Variants in ASIC2 observed in about 807,000 individuals in gnomAD.
ASIC2 encodes the protein acid-sensing ion channel 2.
A neutral mutation model predicts 57.3 loss-of-function variants in ASIC2; 25 were observed. The ratio of observed to expected loss-of-function variants is 0.44; its 90% CI spans 0.32 to 0.61. The LOEUF (loss-of-function observed/expected upper bound fraction) is 0.61. Ranked by LOEUF, ASIC2 falls within the 20% of genes least tolerant of loss-of-function variation. The pLI, the probability that ASIC2 is intolerant of heterozygous loss-of-function variation, is 0.06. For synonymous variants in ASIC2, 319 were observed against 307.5 expected (o/e 1.04, Z -0.39); for missense variants, 641 against 738.1 (o/e 0.87, Z 1.52).
intron 1 of ASIC2, among the ~76,000 whole-genome samples, chr17:33,947,236 T>C (rs1904407235): frequency 6.6e-6 from 1 of 152,212 alleles, no homozygotes; most frequent in Non-Finnish European, 1.5e-5. Context: ...CACTCCAGAC[T>C]GTGTCTCCCC....
chr17:33,971,020 T>C (rs1905214465), intron 1 of ASIC2, among the ~76,000 whole-genome samples: 1 of 152,196 alleles, frequency 6.6e-6, no homozygotes, highest in South Asian at 2.1e-4. Context: ...GTAACAGGGT[T>C]GCATTTCTCC....
chr17:33,147,229 C>CA (rs34665868), intron 1 of ASIC2, among the ~76,000 whole-genome samples: 1 of 151,764 alleles, frequency 6.6e-6, no homozygotes, highest in East Asian at 1.9e-4. Context: ...GTAAAAACTG[C>CA]AAAAAAAGCA....
intron 1 of ASIC2, among the ~76,000 whole-genome samples, chr17:34,043,415 G>A (rs1908214368): frequency 6.6e-6 from 1 of 152,200 alleles, no homozygotes; most frequent in African/African-American, 2.4e-5. Flanking sequence ...ATTATTAGGA[G>A]GAAGAGCAAA....
At chr17:33,779,985 T>TTTTTTTTTTTTTTTC (rs1911399644) in intron 1 of ASIC2, among the ~76,000 whole-genome samples, 1 of 147,662 alleles carries the variant, frequency 6.8e-6, no homozygotes, top group Admixed American at 6.7e-5. Flanking sequence ...TTTTTTTTTT[T>TTTTTTTTTTTTTTTC]TTTGAGACAG....
intron 1 of ASIC2, among the ~76,000 whole-genome samples, chr17:33,967,478 A>C (rs2141995928): frequency 6.6e-6 from 1 of 151,434 alleles, no homozygotes; most frequent in South Asian, 2.1e-4. Flanking sequence ...CAAGCAATCC[A>C]CCCCCCTCAG....
chr17:33,225,394 T>C (rs1907839242), intron 1 of ASIC2, among the ~76,000 whole-genome samples: 1 of 152,222 alleles, frequency 6.6e-6, no homozygotes, highest in African/African-American at 2.4e-5. Context: ...ATGATAACAG[T>C]AACTTCCTCA....
chr17:34,112,595 T>C (rs1404601129), intron 1 of ASIC2, among the ~76,000 whole-genome samples: 2 of 152,128 alleles, frequency 1.3e-5, no homozygotes, highest in Admixed American at 1.3e-4. Context: ...ACAGATCAAA[T>C]GCTTCACCAA....
At chr17:33,973,532 A>T (rs941248301) in intron 1 of ASIC2, among the ~76,000 whole-genome samples, 3 of 152,162 alleles carry the variant, frequency 2.0e-5, no homozygotes, top group Non-Finnish European at 4.4e-5. Flanking sequence ...CAGAGTGAAG[A>T]TTGGGTAGGC....
intron 1 of ASIC2, among the ~76,000 whole-genome samples, chr17:33,120,732 C>A (rs528747796): frequency 3.3e-5 from 5 of 152,274 alleles, no homozygotes; most frequent in African/African-American, 1.2e-4. Flanking sequence ...TCAAATGGGA[C>A]ACAATGACAG....
intron 1 of ASIC2, among the ~76,000 whole-genome samples, chr17:33,234,453 G>A (rs541318942): frequency 1.4e-4 from 21 of 152,162 alleles, no homozygotes; most frequent in Non-Finnish European, 2.8e-4. Flanking sequence ...GGTGGGAGGT[G>A]AGTGGTTTCA....
At chr17:33,891,151 G>A (rs150341392) in intron 1 of ASIC2, among the ~76,000 whole-genome samples, 133 of 152,278 alleles carry the variant, frequency 8.7e-4, no homozygotes, top group African/African-American at 3.0e-3. Context: ...TCCACCCTGT[G>A]CACATCTGAA....
intron 1 of ASIC2, among the ~76,000 whole-genome samples, chr17:33,826,783 C>T (rs754513236): frequency 1.3e-5 from 2 of 152,036 alleles, no homozygotes; most frequent in Non-Finnish European, 2.9e-5. Flanking sequence ...GGAGGGAAGT[C>T]GTTAAAAGGA....
At chr17:33,665,384 A>G (rs745633128) in intron 1 of ASIC2, among the ~76,000 whole-genome samples, 4 of 152,220 alleles carry the variant, frequency 2.6e-5, no homozygotes, top group Non-Finnish European at 4.4e-5. Flanking sequence ...ACCAAAGACC[A>G]TAACATTTTA....
chr17:33,151,023 C>A (rs1476604478), intron 1 of ASIC2, among the ~76,000 whole-genome samples: 1 of 141,984 alleles, frequency 7.0e-6, no homozygotes, highest in Non-Finnish European at 1.5e-5. Flanking sequence ...GAGCGAGACT[C>A]CATCTGGAGG....
chr17:34,077,654 T>C (rs1311223524), intron 1 of ASIC2, among the ~76,000 whole-genome samples: 1 of 152,202 alleles, frequency 6.6e-6, no homozygotes, highest in Admixed American at 6.5e-5. Flanking sequence ...TACTCTTCAG[T>C]GAGGTGTTTG....
chr17:33,351,291 CTTGGTG>C (rs1908167303), intron 1 of ASIC2, among the ~76,000 whole-genome samples: 2 of 151,962 alleles, frequency 1.3e-5, no homozygotes, highest in African/African-American at 4.8e-5. Context: ...TGGAGGCTGA[CTTGGTG>C]TTGGCACAGT....
At position 33,443,317 on chromosome 17, in the gene ASIC2, T is replaced by C. The variant is rs575780111; in HGVS notation, c.556-331250A>G. Reference sequence around the variant, plus strand: ...TCCATTTCCGGAGCTTATGTAGGATTGGGTATTGTTTCTTCTTTAAAAATG... The same window carrying C: ...TCCATTTCCGGAGCTTATGTAGGATCGGGTATTGTTTCTTCTTTAAAAATG... On this transcript the variant is annotated intron_variant, in intron 1 of 9. Transcript: ENST00000359872. Among the ~76,000 whole-genome samples, 8 of 152,136 alleles carry C rather than the reference T, an allele frequency of 5.3e-5. No individual in the cohort carries two copies. In the South Asian group the frequency reaches 1.7e-3, roughly 32 times the overall value.
At chr17:33,729,689 C>G (rs889748368) in intron 1 of ASIC2, among the ~76,000 whole-genome samples, 2 of 152,154 alleles carry the variant, frequency 1.3e-5, no homozygotes, top group Non-Finnish European at 2.9e-5. Flanking sequence ...TAAAATGAGA[C>G]TAACAAAACA....
At chr17:33,417,141 A>ACT (rs967766257) in intron 1 of ASIC2, among the ~76,000 whole-genome samples, 2 of 152,036 alleles carry the variant, frequency 1.3e-5, no homozygotes, top group African/African-American at 2.4e-5. Context: ...ACACACACAG[A>ACT]CTCTAGTAGG....
Sources: allele counts gnomAD v4.1 joint callset (sites outside exome capture counted in the v4.1 genomes callset), GRCh38; gene constraint gnomAD v4.1.1; transcripts MANE v1.5; gene names NCBI Gene and HGNC (gene_info 2026-07-23, HGNC 2026-07-21).